Variants in DIPK1A observed in about 807,000 individuals in gnomAD.
DIPK1A encodes family with sequence similarity 69 member A.
In DIPK1A, 27 loss-of-function variants were observed where a neutral mutation model predicts 40.8. The ratio of observed to expected loss-of-function variants is 0.66; its 90% CI spans 0.49 to 0.91. The LOEUF (loss-of-function observed/expected upper bound fraction) is 0.91. DIPK1A is among the 40% of genes least tolerant of loss of function. DIPK1A has a pLI of 0.00. For synonymous variants in DIPK1A, 166 were observed against 171.3 expected (o/e 0.97, Z 0.24); for missense variants, 412 against 505.7 (o/e 0.81, Z 1.78).
At chr1:92,947,552 C>A (rs1417102938) in intron 1 of DIPK1A, among the ~76,000 whole-genome samples, 3 of 152,130 alleles carry the variant, frequency 2.0e-5, no homozygotes, top group African/African-American at 7.2e-5. Context: ...TTCAAAAAAA[C>A]TACAAACAGA....
chr1:92,916,486 G>C (rs1478044365), intron 1 of DIPK1A, among the ~76,000 whole-genome samples: 1 of 151,966 alleles, frequency 6.6e-6, no homozygotes, highest in Non-Finnish European at 1.5e-5. Context: ...ATGTTTAGTA[G>C]AGATGTGGTT....
Position 92,843,036 on chromosome 1 carries a change from T to C in DIPK1A, c.*347A>G. On this transcript the variant is annotated 3_prime_UTR_variant, in exon 5 of 5. Coordinates refer to ENST00000370310, the MANE Select transcript of DIPK1A (RefSeq NM_001006605.5). ...AGCAGCTTCAATGCAAACACAATGC[T>C]TCCAGCATTGGTATTTTGGCTAAGG... The C allele has an allele frequency of 2.0e-6, 2 of 1,007,332 alleles. No homozygotes were observed. The highest frequency in any genetic ancestry group is 9.0e-5 in the South Asian group (2 of 22,314). The allele number at this position is 1,007,332 out of a possible 1,614,324, so 62.4% of individuals were successfully genotyped here.
At chr1:92,948,712 C>CAT (rs200251367) in intron 1 of DIPK1A, among the ~76,000 whole-genome samples, 4,230 of 90,218 alleles carry the variant, frequency 0.047, 204 homozygotes, top group African/African-American at 0.14. Flanking sequence ...TGTATATACA[C>CAT]ATATATTTTT....
intron 2 of DIPK1A, among the ~76,000 whole-genome samples, chr1:92,857,513 G>A (rs927511033): frequency 2.6e-5 from 4 of 151,888 alleles, no homozygotes; most frequent in African/African-American, 9.7e-5. Context: ...GTAGAGATGG[G>A]GTTTCACCAT....
intron 2 of DIPK1A, among the ~76,000 whole-genome samples, chr1:92,868,825 G>C (rs1368715003): frequency 6.6e-6 from 1 of 151,944 alleles, no homozygotes; most frequent in Admixed American, 6.6e-5. Flanking sequence ...AATTAGCCGG[G>C]CATGGTGGCA....
intron 2 of DIPK1A, among the ~76,000 whole-genome samples, chr1:92,851,542 C>CAAAAAAAAA (rs59664439): frequency 0.28 from 9,734 of 34,384 alleles, 3,053 homozygotes; most frequent in East Asian, 0.64. Flanking sequence ...GACCCTATCT[C>CAAAAAAAAA]AAAAAAAAAA....
chr1:92,944,581 TAC>T lies in DIPK1A; in HGVS notation c.54+16793_54+16794del, dbSNP rs568921137. On this transcript the variant is annotated intron_variant, in intron 1 of 4. Transcript: ENST00000370310. ...GAAGATTATTTTTGGCCCAGAATTC[TAC>T]ACTGAGCCCAACTACGAACAAGTAC... Among the ~76,000 whole-genome samples the T allele has an allele frequency of 5.4e-3, 830 of 152,336 alleles. 3 individuals are homozygous for T. Among genetic ancestry groups the T allele is most frequent in the Non-Finnish European group, 8.1e-3 (548 of 68,030 alleles).
chr1:92,923,121 T>C (rs1650334840), intron 1 of DIPK1A, among the ~76,000 whole-genome samples: 1 of 152,180 alleles, frequency 6.6e-6, no homozygotes, highest in South Asian at 2.1e-4. Context: ...TTGCTCCTTA[T>C]ACTTTTTGTG....
intron 1 of DIPK1A, among the ~76,000 whole-genome samples, chr1:92,929,286 C>T (rs962491284): frequency 8.5e-5 from 13 of 152,212 alleles, no homozygotes; most frequent in Non-Finnish European, 1.5e-4. Flanking sequence ...TTCTAGCAGG[C>T]AGTTAATTCG....
intron 2 of DIPK1A, 21 bp from the exon 3 acceptor site, chr1:92,850,976 A>G: frequency 1.4e-6 from 2 of 1,444,678 alleles, no homozygotes; most frequent in Non-Finnish European, 1.9e-6. Context: ...GGAAATAAAA[A>G]AGTAGTTAAT....
In DIPK1A at chr1:92,843,902, GCTT is replaced by G. The variant is rs751906373; in HGVS notation, c.765_767del (p.Arg255del). ...ATGATGGTGTGAACAGCTGATCCAT[GCTT>G]CTTCTGAACCCAGATGGAATAAAAA... On this transcript the variant is annotated inframe_deletion, in exon 5 of 5. Transcript: ENST00000370310. 24 of 1,551,742 alleles carry G rather than the reference GCTT, an allele frequency of 1.5e-5. No individual in the cohort carries two copies. The highest frequency in any genetic ancestry group is 7.3e-5 in the East Asian group (3 of 40,924).
chr1:92,936,626 T>C (rs1329767564), intron 1 of DIPK1A, among the ~76,000 whole-genome samples: 1 of 142,996 alleles, frequency 7.0e-6, no homozygotes, highest in Non-Finnish European at 1.5e-5. Flanking sequence ...CGAAACTCCG[T>C]CTCAAAAAAA....
chr1:92,908,073 C>T (rs969630953), intron 1 of DIPK1A, among the ~76,000 whole-genome samples: 2 of 152,066 alleles, frequency 1.3e-5, no homozygotes, highest in African/African-American at 4.8e-5. Context: ...TTCAAAAACA[C>T]TGAAGGACAA....
downstream of DIPK1A, chr1:92,837,882 A>C: frequency 1.9e-6 from 1 of 514,306 alleles, no homozygotes. Context: ...CATAGTTGTA[A>C]TCTGCTTTGT....
chr1:92,954,446 T>C (rs1364119874), intron 1 of DIPK1A, among the ~76,000 whole-genome samples: 2 of 139,106 alleles, frequency 1.4e-5, no homozygotes, highest in African/African-American at 2.7e-5. Flanking sequence ...GGCGTGATCT[T>C]GGCTCACTGC....
intron 1 of DIPK1A, among the ~76,000 whole-genome samples, chr1:92,943,766 TA>T (rs1651260678): frequency 6.6e-6 from 1 of 152,162 alleles, no homozygotes; most frequent in Non-Finnish European, 1.5e-5. Flanking sequence ...ATTCCGGTGA[TA>T]GGTCTAATGG....
chr1:92,933,868 T>C (rs377312550), intron 1 of DIPK1A: 1 of 152,216 alleles, frequency 6.6e-6, no homozygotes, highest in African/African-American at 2.4e-5. Flanking sequence ...TAAACAGATA[T>C]ACAGTCTGAT....
chr1:92,843,514 ATTC>A lies in DIPK1A; in HGVS notation c.1153_1155del (p.Glu385del), dbSNP rs1261576116. 1.9e-6 allele frequency: 3 copies of A among 1,551,780 alleles called. No individual in the cohort carries two copies. Among genetic ancestry groups the A allele is most frequent in the African/African-American group, 2.7e-5 (2 of 73,050 alleles). On this transcript the variant is annotated inframe_deletion, in exon 5 of 5. Transcript: ENST00000370310. ...ATACAAGAATAAAGCTGCTTTTCTA[ATTC>A]TTCACGAATTTCACTTGGAGCACCA...
chr1:92,865,141 C>T (rs1206238956), intron 2 of DIPK1A, among the ~76,000 whole-genome samples: 1 of 150,930 alleles, frequency 6.6e-6, no homozygotes, highest in Non-Finnish European at 1.5e-5. Context: ...GTGGGAGGAT[C>T]GCTTAAGGGC....
Sources: allele counts gnomAD v4.1 joint callset (sites outside exome capture counted in the v4.1 genomes callset), GRCh38; gene constraint gnomAD v4.1.1; transcripts MANE v1.5; gene names NCBI Gene and HGNC (gene_info 2026-07-23, HGNC 2026-07-21).